Variants in PCDHA1 observed in about 807,000 individuals in gnomAD.
PCDHA1 encodes protocadherin alpha-1.
A neutral mutation model predicts 61.3 loss-of-function variants in PCDHA1; 42 were observed. That is an observed-to-expected ratio of 0.69 (90% CI 0.54 to 0.89). The LOEUF is 0.89. Among genes scored for constraint, PCDHA1 ranks in the 40% least tolerant of loss-of-function variants. The probability of loss-of-function intolerance (pLI) is 0.00; values close to 1 mark genes in which losing one functional copy is unlikely to be tolerated. For missense variants in PCDHA1, 1,256 were observed against 1,235.3 expected (o/e 1.02, Z -0.25); for synonymous variants, 610 against 553.8 (o/e 1.10, Z -1.43).
chr5:140,822,341 AC>A (rs2150115661), intron 1 of PCDHA1: 5 of 1,614,128 alleles, frequency 3.1e-6, no homozygotes, highest in Non-Finnish European at 4.2e-6. Context: ...GAAGAAACGA[AC>A]TTTTTAGAGC....
chr5:140,954,673 CTT>C (rs1173553071), intron 1 of PCDHA1, among the ~76,000 whole-genome samples: 2 of 152,076 alleles, frequency 1.3e-5, no homozygotes, highest in South Asian at 4.1e-4. Flanking sequence ...GGATATTAGA[CTT>C]TTGTCAGATG....
chr5:140,968,637 T>C, intron 1 of PCDHA1: 1 of 1,614,208 alleles, frequency 6.2e-7, no homozygotes. Flanking sequence ...TTTTACCATC[T>C]AGCCCAGACT....
At chr5:140,943,600 A>G (rs996134923) in intron 1 of PCDHA1, among the ~76,000 whole-genome samples, 1 of 152,198 alleles carries the variant, frequency 6.6e-6, no homozygotes, top group African/African-American at 2.4e-5. Context: ...AATTCTAAAT[A>G]TAGACTTTGA....
chr5:140,890,543 CTGAG>C (rs1391853747), intron 1 of PCDHA1, among the ~76,000 whole-genome samples: 1 of 152,012 alleles, frequency 6.6e-6, no homozygotes, highest in African/African-American at 2.4e-5. Context: ...TTTGAAATGA[CTGAG>C]TACTTTTTAT....
intron 3 of PCDHA1, among the ~76,000 whole-genome samples, chr5:140,999,088 G>A (rs1429141341): frequency 1.3e-5 from 2 of 152,274 alleles, no homozygotes; most frequent in African/African-American, 4.8e-5. Flanking sequence ...TCCTTCAGAG[G>A]GCTATGGAGA....
chr5:140,862,614 C>G, intron 1 of PCDHA1: 1 of 523,252 alleles, frequency 1.9e-6, no homozygotes, highest in Non-Finnish European at 3.9e-6. Flanking sequence ...TGAAAGGTAA[C>G]AACCCGCGGG....
chr5:140,858,298 G>A lies in PCDHA1; in HGVS notation c.2394+69614G>A. The A allele has an allele frequency of 1.3e-6, 2 of 1,597,204 alleles. 1 individual carries two copies. Among genetic ancestry groups the A allele is most frequent in the South Asian group, 2.2e-5 (2 of 90,438 alleles). ...CGGTGGGGAGCTGGTCTTACTCGCA[G>A]CAGAGGCGGCAGAGGGTGTGTTCTG... On this transcript the variant is annotated intron_variant, in intron 1 of 3. Transcript: ENST00000504120.
chr5:140,826,765 G>C (rs186327192), intron 1 of PCDHA1, among the ~76,000 whole-genome samples: 115 of 152,292 alleles, frequency 7.6e-4, no homozygotes, highest in Middle Eastern at 3.4e-3. Context: ...TCATATTGGA[G>C]AGTAATTGAA....
intron 1 of PCDHA1, among the ~76,000 whole-genome samples, chr5:140,910,531 C>G (rs2153515118): frequency 6.6e-6 from 1 of 152,310 alleles, no homozygotes; most frequent in Admixed American, 6.5e-5. Flanking sequence ...ACTCCCCTCA[C>G]AAATCTATTT....
At chr5:140,973,004 G>A (rs1183511655) in intron 1 of PCDHA1, among the ~76,000 whole-genome samples, 4 of 152,096 alleles carry the variant, frequency 2.6e-5, no homozygotes, top group African/African-American at 9.7e-5. Flanking sequence ...ATTTGTGGTC[G>A]TGGTGTTGTG....
In PCDHA1 at chr5:140,847,559, GC is replaced by G. The variant is rs150732093; in HGVS notation, c.2394+58879del. 4.7e-5 allele frequency: 7 copies of G among 149,276 alleles called. No individual in the cohort carries two copies. In the East Asian group the frequency reaches 1.4e-3, roughly 29 times the overall value. The allele number at this position is 149,276 out of a possible 1,614,324, so 9.2% of individuals were successfully genotyped here. A position where few individuals can be genotyped will look rare whatever the true frequency, so the allele number is the denominator to read the frequency against. On this transcript the variant is annotated intron_variant, in intron 1 of 3. Coordinates refer to ENST00000504120, the MANE Select transcript of PCDHA1 (RefSeq NM_018900.4). ...AAGCATAGCTTTAAAAACAGAAATT[GC>G]CCCGAGTACTAAGGATGAGCAATAA...
intron 1 of PCDHA1, chr5:140,822,835 C>T: frequency 1.9e-6 from 3 of 1,614,198 alleles, no homozygotes; most frequent in South Asian, 2.2e-5. Flanking sequence ...CATAACCACC[C>T]TTTTCCTGCC....
intron 1 of PCDHA1, among the ~76,000 whole-genome samples, chr5:140,921,390 T>G (rs2080194479): frequency 6.6e-6 from 1 of 152,164 alleles, no homozygotes; most frequent in Non-Finnish European, 1.5e-5. Context: ...TTGATAAACA[T>G]TCACACTAGA....
At chr5:140,838,543 T>C (rs1421001840) in intron 1 of PCDHA1, among the ~76,000 whole-genome samples, 2 of 152,028 alleles carry the variant, frequency 1.3e-5, no homozygotes, top group Non-Finnish European at 2.9e-5. Flanking sequence ...GGATATATCA[T>C]GATTTATTCA....
intron 1 of PCDHA1, chr5:140,849,964 T>C: frequency 6.3e-7 from 1 of 1,597,810 alleles, no homozygotes; most frequent in African/African-American, 1.3e-5. Flanking sequence ...AACGCCCTGG[T>C]GTCCTACTCG....
intron 1 of PCDHA1, among the ~76,000 whole-genome samples, chr5:140,794,630 TG>T (rs1272208320): frequency 1.3e-5 from 2 of 152,358 alleles, no homozygotes; most frequent in Non-Finnish European, 2.9e-5. Context: ...TATTATGTTG[TG>T]TGTTTTTTAA....
chr5:140,823,889 C>T, intron 1 of PCDHA1: 1 of 1,613,944 alleles, frequency 6.2e-7, no homozygotes, highest in Non-Finnish European at 8.5e-7. Flanking sequence ...GCCATCTGTG[C>T]GGTGTCCAGC....
chr5:140,966,788 C>A, intron 1 of PCDHA1: 1 of 1,527,436 alleles, frequency 6.5e-7, no homozygotes, highest in African/African-American at 1.4e-5. Flanking sequence ...GGGCACCAGA[C>A]CTGCGGCGAC....
intron 1 of PCDHA1, among the ~76,000 whole-genome samples, chr5:140,838,077 A>AGTGTGTGTGT (rs57130401): frequency 1.2e-5 from 1 of 80,662 alleles, no homozygotes; most frequent in Non-Finnish European, 2.4e-5. Flanking sequence ...ATATATATAT[A>AGTGTGTGTGT]GTGTGTGTGT....
Sources: allele counts gnomAD v4.1 joint callset (sites outside exome capture counted in the v4.1 genomes callset), GRCh38; gene constraint gnomAD v4.1.1; transcripts MANE v1.5; gene names NCBI Gene and HGNC (gene_info 2026-07-23, HGNC 2026-07-21).